PPP6R3: variants seen among roughly 807,000 people sequenced by gnomAD.
The protein encoded by PPP6R3 is protein phosphatase 6 regulatory subunit 3.
Under a neutral mutation model 110.7 loss-of-function variants are expected in PPP6R3, and 38 were observed. That is an observed-to-expected ratio of 0.34 (90% CI 0.26 to 0.45). The LOEUF (loss-of-function observed/expected upper bound fraction) is 0.45, where lower values mean the gene tolerates loss of function less well. Among genes scored for constraint, PPP6R3 ranks in the 20% least tolerant of loss-of-function variants. The pLI is 1.00. For synonymous variants in PPP6R3, 369 were observed against 373.5 expected (o/e 0.99, Z 0.14); for missense variants, 870 against 1,062.4 (o/e 0.82, Z 2.52).
chr11:68,586,314 T>A (rs1395356281), intron 15 of PPP6R3: 1 of 152,174 alleles, frequency 6.6e-6, no homozygotes, highest in East Asian at 1.9e-4. Flanking sequence ...TCAGAAGAAC[T>A]GATTTCTTTT....
At position 68,544,512 on chromosome 11, in the gene PPP6R3, G is replaced by A. The variant is rs150434316; in HGVS notation, c.228-326G>A. 3.9e-3 allele frequency among the ~76,000 whole-genome samples: 599 copies of A among 152,308 alleles called. 7 individuals are homozygous for A. Among genetic ancestry groups the A allele is most frequent in the African/African-American group, 0.013 (552 of 41,550 alleles). ...GAGGCTGTAGCCTGATGGCTCGTAC[G>A]TCCAGCCGCTTTCCTCGCTGATCGT... On this transcript the variant is annotated intron_variant, in intron 3 of 23. Transcript: ENST00000393800.
rs1276988789 is a variant in PPP6R3, at chr11:68,548,110, T to C, written c.458T>C (p.Ile153Thr). The part of the protein sequence containing the change: ...LKKKHDFVDL[I>T]IKHIGTSAIM... ...AAGAAGCATGATTTTGTAGACCTTA[T>C]TATAAAGCACATAGGAACTTCTGCT... The change falls in exon 5 of 24, where the codon ATT (isoleucine) becomes ACT (threonine). Residue 153 changes from isoleucine (I) to threonine (T), a missense_variant. By Grantham distance (89) the Ile-to-Thr change is moderately conservative (BLOSUM62 -1). Transcript: ENST00000393800. The C allele has an allele frequency of 1.9e-6, 3 of 1,613,864 alleles. No homozygotes were observed. Among genetic ancestry groups the C allele is most frequent in the Admixed American group, 3.3e-5 (2 of 60,030 alleles).
chr11:68,473,689 G>A (rs2098808393), intron 1 of PPP6R3, among the ~76,000 whole-genome samples: 1 of 152,202 alleles, frequency 6.6e-6, no homozygotes, highest in South Asian at 2.1e-4. Context: ...AATTGAATTG[G>A]AGGACACCCA....
chr11:68,485,561 TC>T (rs1303414669), intron 1 of PPP6R3, among the ~76,000 whole-genome samples: 5 of 152,214 alleles, frequency 3.3e-5, no homozygotes, highest in African/African-American at 1.2e-4. Flanking sequence ...TTCTTACTGT[TC>T]CTAGTTTTCT....
chr11:68,486,162 T>G (rs1024654196), intron 1 of PPP6R3, among the ~76,000 whole-genome samples: 7 of 152,102 alleles, frequency 4.6e-5, no homozygotes, highest in African/African-American at 1.7e-4. Context: ...GTATAATTAT[T>G]TTTATGTATT....
intron 1 of PPP6R3, among the ~76,000 whole-genome samples, chr11:68,470,812 G>C (rs749974990): frequency 1.3e-5 from 2 of 152,114 alleles, no homozygotes; most frequent in African/African-American, 2.4e-5. Context: ...TTTTGTAGCT[G>C]GTGGGCGTTG....
Position 68,600,199 on chromosome 11 carries a change from C to G in PPP6R3, c.2039-142C>G, listed in dbSNP as rs894923941. The G allele has an allele frequency of 3.0e-5, 26 of 865,042 alleles. No individual in the cohort carries two copies. The African/African-American group carries it at 4.2e-4, about 14-fold the overall frequency. 53.6% of individuals were successfully genotyped at this position (865,042 alleles called of 1,614,324 possible). A position where few individuals can be genotyped will look rare whatever the true frequency, so the allele number is the denominator to read the frequency against. The stretch of plus-strand genomic sequence containing the variant: ...TAGAGTGCCCTCCAGGTGGCTGTGC[C>G]CTGTCCGCTCCTGCCCTCATTGGTG... On this transcript the variant is annotated intron_variant, in intron 19 of 23. Transcript: ENST00000393800.
chr11:68,570,370 G>C (rs1266385154), intron 11 of PPP6R3, among the ~76,000 whole-genome samples: 1 of 152,170 alleles, frequency 6.6e-6, no homozygotes, highest in East Asian at 1.9e-4. Context: ...TCAGTCTTCA[G>C]ATTTTTTCTT....
intron 23 of PPP6R3, among the ~76,000 whole-genome samples, chr11:68,611,731 G>A (rs1943516654): frequency 6.6e-6 from 1 of 152,138 alleles, no homozygotes; most frequent in Non-Finnish European, 1.5e-5. Flanking sequence ...GGGTGCGGGG[G>A]AGAGGATCTC....
At chr11:68,490,670 AC>A (rs2098978425) in intron 1 of PPP6R3, among the ~76,000 whole-genome samples, 1 of 147,668 alleles carries the variant, frequency 6.8e-6, no homozygotes, top group East Asian at 2.0e-4. Context: ...CTTTTCAGTT[AC>A]GGAAGTTTCT....
chr11:68,570,186 T>C (rs2099497673), intron 11 of PPP6R3, among the ~76,000 whole-genome samples: 1 of 152,228 alleles, frequency 6.6e-6, no homozygotes. Flanking sequence ...ATTTGAAGAA[T>C]CATAGAAATT....
chr11:68,590,529 C>G, intron 16 of PPP6R3, 131 bp from the exon 17 acceptor site: 2 of 1,026,232 alleles, frequency 1.9e-6, no homozygotes, highest in South Asian at 4.8e-5. Context: ...AAGGTTGTTT[C>G]TGTTTGTTTT....
At chr11:68,539,012 C>T (rs1050311326) in intron 3 of PPP6R3, among the ~76,000 whole-genome samples, 1 of 152,140 alleles carries the variant, frequency 6.6e-6, no homozygotes, top group Non-Finnish European at 1.5e-5. Context: ...CCCAGCTACT[C>T]GGGAGGCTGA....
At chr11:68,511,221 C>G (rs1444601975) in intron 1 of PPP6R3, among the ~76,000 whole-genome samples, 1 of 151,768 alleles carries the variant, frequency 6.6e-6, no homozygotes, top group Non-Finnish European at 1.5e-5. Flanking sequence ...CACGCGCCAC[C>G]ACGTCCGGCT....
chr11:68,512,355 A>C lies in PPP6R3; in HGVS notation c.-157-7146A>C, dbSNP rs554781811. ...CATGTGGTGCCAATCATCATACCAG[A>C]TGACACAGTCTGGAGCACCATAATC... On this transcript the variant is annotated intron_variant, in intron 1 of 23. Coordinates refer to ENST00000393800, the MANE Select transcript of PPP6R3 (RefSeq NM_001164161.2). 5.3e-5 allele frequency among the ~76,000 whole-genome samples: 8 copies of C among 152,316 alleles called. No homozygotes were observed. The South Asian group carries it at 1.7e-3, about 32-fold the overall frequency.
At chr11:68,581,022 C>T (rs1019982343) in intron 14 of PPP6R3, among the ~76,000 whole-genome samples, 12 of 152,228 alleles carry the variant, frequency 7.9e-5, no homozygotes, top group Admixed American at 4.6e-4. Context: ...CCGCCCGCCT[C>T]GGCCTCCCAA....
chr11:68,519,048 C>G (rs977774269), intron 1 of PPP6R3, among the ~76,000 whole-genome samples: 1 of 152,196 alleles, frequency 6.6e-6, no homozygotes, highest in African/African-American at 2.4e-5. Context: ...CTTCAGTGAT[C>G]TTAATGTTCT....
At chr11:68,605,891 C>G (rs1002697557) in intron 22 of PPP6R3, among the ~76,000 whole-genome samples, 6 of 152,314 alleles carry the variant, frequency 3.9e-5, no homozygotes, top group Middle Eastern at 3.4e-3. Flanking sequence ...CTACTAATTC[C>G]TATCTTAAGT....
intron 2 of PPP6R3, among the ~76,000 whole-genome samples, chr11:68,523,864 C>G (rs2099180047): frequency 6.6e-6 from 1 of 151,780 alleles, no homozygotes; most frequent in Admixed American, 6.6e-5. Flanking sequence ...CTGTAGTTTC[C>G]TTTTTTCTCC....
Sources: allele counts gnomAD v4.1 joint callset (sites outside exome capture counted in the v4.1 genomes callset), GRCh38; gene constraint gnomAD v4.1.1; transcripts MANE v1.5; gene names NCBI Gene and HGNC (gene_info 2026-07-23, HGNC 2026-07-21).